Variants in CCS observed in about 807,000 individuals in gnomAD.
CCS encodes superoxide dismutase copper chaperone.
Under a neutral mutation model 35.5 loss-of-function variants are expected in CCS, and 32 were observed. The ratio of observed to expected loss-of-function variants is 0.90; its 90% confidence interval spans 0.68 to 1.21. CCS has a LOEUF of 1.21. Among genes scored for constraint, CCS ranks in the 50% most tolerant of loss-of-function variants. CCS has a pLI of 0.00. For missense variants in CCS, 342 were observed against 375.4 expected, an observed-to-expected ratio of 0.91 and a Z score of 0.73; for synonymous variants, 130 against 147.2, an observed-to-expected ratio of 0.88 and a Z score of 0.84.
At chr11:66,599,879 G>A in intron 4 of CCS, 1 of 412,528 alleles carries the variant, frequency 2.4e-6, no homozygotes. Flanking sequence ...ACTTTGGGAG[G>A]CTGAGGTGGG....
In CCS at chr11:66,593,601, C is replaced by T. The variant is rs371511954; in HGVS notation, c.40-41C>T. ...GGTGAAACAAAGTCATACCAAGGCA[C>T]TTCCCCAGCGATCATCGGTTGGTCC... On this transcript the variant is annotated intron_variant, in intron 1 of 7. Transcript: ENST00000533244. 3.1e-6 allele frequency: 5 copies of T among 1,603,884 alleles called. No individual in the cohort carries two copies. In the African/African-American group the frequency reaches 6.7e-5, roughly 21 times the overall value.
intron 2 of CCS, among the ~76,000 whole-genome samples, chr11:66,596,900 G>T (rs918109056): frequency 1.3e-5 from 2 of 152,174 alleles, no homozygotes; most frequent in Non-Finnish European, 2.9e-5. Flanking sequence ...AAGTGCTGGG[G>T]CTCTGGAGCT....
At position 66,599,577 on chromosome 11, in the gene CCS, G is replaced by T. The variant is rs186651111; in HGVS notation, c.369G>T (p.Glu123Asp). The T allele has an allele frequency of 9.2e-5, 148 of 1,606,764 alleles. 2 individuals are homozygous for T. Among genetic ancestry groups the T allele is most frequent in the Non-Finnish European group, 7.7e-5 (91 of 1,177,604 alleles). Reference protein sequence around the residue: ...CLIEGTIDGLEPGLHGLHVHQ... With the variant: ...CLIEGTIDGLDPGLHGLHVHQ... ...TCGAGGGAACTATTGACGGCCTGGA[G>T]CCTGGGCTGCATGGACTCCACGTCC... is the stretch of plus-strand genomic sequence containing the variant. Residue 123 changes from glutamate to aspartate, a missense_variant, in exon 4 of 8, where the codon GAG (glutamate) becomes GAT (aspartate). Glu to Asp is a conservative substitution (Grantham distance 45, BLOSUM62 2). Transcript: ENST00000533244.
intron 2 of CCS, among the ~76,000 whole-genome samples, chr11:66,598,127 G>A (rs1858510002): frequency 6.6e-6 from 1 of 150,924 alleles, no homozygotes. Context: ...AAAGGATACA[G>A]TTCATCTGTT....
chr11:66,596,467 C>G (rs1029963624), intron 2 of CCS, among the ~76,000 whole-genome samples: 4 of 151,622 alleles, frequency 2.6e-5, no homozygotes, highest in African/African-American at 9.7e-5. Flanking sequence ...GCAAGCTCCG[C>G]CTCCCGGGTT....
chr11:66,605,865 C>T lies in CCS; in HGVS notation c.*10C>T, dbSNP rs551837298. 5 of 1,514,264 alleles carry T rather than the reference C, an allele frequency of 3.3e-6. No homozygotes were observed. The Admixed American group carries it at 1.1e-4, about 34-fold the overall frequency. The allele number at this position is 1,514,264 out of a possible 1,614,324, so 93.8% of individuals were successfully genotyped here. A position where few individuals can be genotyped will look rare whatever the true frequency, so the allele number is the denominator to read the frequency against. On this transcript the variant is annotated 3_prime_UTR_variant, in exon 8 of 8. Coordinates refer to ENST00000533244, the MANE Select transcript of CCS (RefSeq NM_005125.2). Reference sequence around the variant, plus strand: ...CCCTGCCCACCTTTGAGCAGGACCTCACCTTGGCTCTGTTGCTGTCCTCCA... The same window carrying T: ...CCCTGCCCACCTTTGAGCAGGACCTTACCTTGGCTCTGTTGCTGTCCTCCA...
chr11:66,605,369 G>T lies in CCS; in HGVS notation c.520G>T (p.Asp174Tyr). 1 of 1,614,190 alleles carries T rather than the reference G, an allele frequency of 6.2e-7. No individual in the cohort carries two copies. The highest frequency in any genetic ancestry group is 1.1e-5 in the South Asian group (1 of 91,078). ...HRGDLGNVRA[D>Y]ADGRAIFRME... ...CGGAGACCTGGGCAATGTCCGTGCT[G>T]ATGCTGACGGCCGCGCCATCTTCAG... The change falls in exon 6 of 8, where the codon GAT becomes TAT. Residue 174 changes from aspartate (D) to tyrosine (Y), a missense_variant. Asp to Tyr is a radical substitution (Grantham distance 160). Transcript: ENST00000533244.
At chr11:66,600,405 A>C in intron 4 of CCS, 84 bp from the exon 5 acceptor site, 1 of 804,946 alleles carries the variant, frequency 1.2e-6, no homozygotes, top group East Asian at 2.9e-5. Flanking sequence ...GAATGAATGA[A>C]TGAAGCAAAT....
At chr11:66,593,418 G>A (rs1254536018) in intron 1 of CCS, 118 bp downstream of exon 1, 85 of 1,155,888 alleles carry the variant, frequency 7.4e-5, no homozygotes, top group Non-Finnish European at 9.5e-5. Flanking sequence ...TGGGGCCATG[G>A]GATGAAACTA....
At chr11:66,603,251 C>T (rs1355142725) in intron 5 of CCS, among the ~76,000 whole-genome samples, 1 of 152,258 alleles carries the variant, frequency 6.6e-6, no homozygotes, top group Non-Finnish European at 1.5e-5. Context: ...ATGCCTCCAG[C>T]CACACTGTCC....
At chr11:66,599,396 G>T in intron 3 of CCS, 63 bp from the exon 4 acceptor site, 1 of 1,499,468 alleles carries the variant, frequency 6.7e-7, no homozygotes, top group South Asian at 1.3e-5. Context: ...TGCCCTTCCC[G>T]AGCTGCTGAA....
At chr11:66,596,680 G>A (rs773923590) in intron 2 of CCS, among the ~76,000 whole-genome samples, 2 of 152,102 alleles carry the variant, frequency 1.3e-5, no homozygotes, top group Non-Finnish European at 2.9e-5. Flanking sequence ...GCGCCCGGCC[G>A]ACAACTGACT....
At chr11:66,596,963 G>A (rs1858487878) in intron 2 of CCS, among the ~76,000 whole-genome samples, 1 of 152,194 alleles carries the variant, frequency 6.6e-6, no homozygotes, top group Non-Finnish European at 1.5e-5. Context: ...GCGACTTTGA[G>A]CAAGTTTCTT....
chr11:66,600,564 G>A lies in CCS; in HGVS notation c.489+15G>A. 1 of 1,485,326 alleles carries A rather than the reference G, an allele frequency of 6.7e-7. No homozygotes were observed. The highest frequency in any genetic ancestry group is 9.1e-7 in the Non-Finnish European group (1 of 1,104,330). The allele number at this position is 1,485,326 out of a possible 1,614,324, so 92.0% of individuals were successfully genotyped here. ...ACTCTGACCGGGTAAGTGTCTGTCT[G>A]GGTTTGGGCTTGGGCTGAGAGAGGA... On this transcript the variant is annotated intron_variant, in intron 5 of 7. Transcript: ENST00000533244.
rs572549240 is a variant in CCS at position 66,599,162 on chromosome 11, A to T, written c.159A>T (p.Val53=). The part of the protein sequence containing the change: ...EVHLEDQMVL[V]HTTLPSQEVQ... The stretch of plus-strand genomic sequence containing the variant: ...ACTTGGAGGACCAGATGGTCTTGGT[A>T]CACACCACTCTACCCAGCCAGGAGG... Residue 53 remains valine, a synonymous_variant, in exon 3 of 8, where the codon GTA becomes GTT. Coordinates refer to ENST00000533244, the MANE Select transcript of CCS (RefSeq NM_005125.2). 1 of 1,614,078 alleles carries T rather than the reference A, an allele frequency of 6.2e-7. No homozygotes were observed. Among genetic ancestry groups the T allele is most frequent in the South Asian group, 1.1e-5 (1 of 91,084 alleles).
rs770668415 is a variant in CCS at position 66,599,264 on chromosome 11, A to G, written c.250+11A>G. ...GCAGCGGCCAGTTGCGTGAGTGACC[A>G]CTGTGGCCTTGGCCCCTCTCGGAGG... On this transcript the variant is annotated intron_variant, in intron 3 of 7. Transcript: ENST00000533244. 2 of 1,587,772 alleles carry G rather than the reference A, an allele frequency of 1.3e-6. No individual in the cohort carries two copies. Among genetic ancestry groups the G allele is most frequent in the East Asian group, 2.3e-5 (1 of 44,056 alleles).
chr11:66,593,327 C>G, intron 1 of CCS, 27 bp downstream of exon 1: 14 of 1,500,836 alleles, frequency 9.3e-6, no homozygotes, highest in Non-Finnish European at 1.2e-5. Flanking sequence ...CGTGTGGAGC[C>G]TCGCCGGGCA....
rs1251640743 is a variant in CCS at position 66,605,480 on chromosome 11, C to T, written c.568-9C>T. On this transcript the variant is annotated splice_polypyrimidine_tract_variant and intron_variant, in intron 6 of 7. Coordinates refer to ENST00000533244, the MANE Select transcript of CCS (RefSeq NM_005125.2). ...GTCCATCATCTGAAGCTGTCGTCTCCCCTCAAAGGTGTGGGATGTGATTGG... is the reference window on the plus strand; with the variant it reads ...GTCCATCATCTGAAGCTGTCGTCTCTCCTCAAAGGTGTGGGATGTGATTGG... 5 of 1,613,722 alleles carry T rather than the reference C, an allele frequency of 3.1e-6. No homozygotes were observed. The highest frequency in any genetic ancestry group is 1.3e-5 in the African/African-American group (1 of 75,022).
chr11:66,599,553 C>T lies in CCS; in HGVS notation c.345C>T (p.Ile115=), dbSNP rs946018387. Residue 115 remains isoleucine (I), a synonymous_variant, in exon 4 of 8, where the codon ATC becomes ATT. Coordinates refer to ENST00000533244, the MANE Select transcript of CCS (RefSeq NM_005125.2). ...AGCTGACCCCTGAGCGCTGCCTCAT[C>T]GAGGGAACTATTGACGGCCTGGAGC... is the stretch of plus-strand genomic sequence containing the variant. ...FLQLTPERCL[I]EGTIDGLEPG... is the part of the protein sequence containing the mutation. The T allele has an allele frequency of 5.6e-6, 9 of 1,603,968 alleles. No individual in the cohort carries two copies. Among genetic ancestry groups the T allele is most frequent in the Middle Eastern group, 1.7e-4 (1 of 5,984 alleles).
Sources: gnomAD v4.1 joint callset for allele counts (sites outside exome capture counted in the v4.1 genomes callset) on GRCh38, gnomAD v4.1.1 for gene constraint, MANE v1.5 for transcripts, NCBI Gene and HGNC (gene_info 2026-07-23, HGNC 2026-07-21) for gene names.